Variants in PHACTR2 observed in about 807,000 individuals in gnomAD.
PHACTR2 encodes chromosome 6 open reading frame 56.
PHACTR2 carries 30 observed loss-of-function variants against 76.0 expected under a neutral mutation model. That is an observed-to-expected ratio of 0.39 (90% confidence interval 0.30 to 0.54). The LOEUF (loss-of-function observed/expected upper bound fraction) is 0.54. PHACTR2 is among the 20% of genes least tolerant of loss of function. PHACTR2 has a pLI of 0.61. For missense variants in PHACTR2, 696 were observed against 781.1 expected, an observed-to-expected ratio of 0.89 and a Z score of 1.30; for synonymous variants, 292 against 292.5, an observed-to-expected ratio of 1.00 and a Z score of 0.02.
rs59017997 is a variant in PHACTR2 at position 143,564,196 on chromosome 6, C to CATATATATATATAT, written c.217+27016_217+27029dup. 7.4e-4 allele frequency among the ~76,000 whole-genome samples: 30 copies of CATATATATATATAT among 40,284 alleles called. 1 individual carries two copies. Among genetic ancestry groups the CATATATATATATAT allele is most frequent in the East Asian group, 2.5e-3 (4 of 1,618 alleles). 26.4% of individuals were successfully genotyped at this position (40,284 alleles called of 152,430 possible). On this transcript the variant is annotated intron_variant, in intron 1 of 11. Coordinates refer to the PHACTR2 transcript ENST00000367584. ...ATGTGTGTGTGTATGTGTGTGTGTG[C>CATATATATATATAT]ATATATATATATATATATATATATA...
At chr6:143,667,865 G>A (rs573596205) in intron 1 of PHACTR2, among the ~76,000 whole-genome samples, 7 of 152,024 alleles carry the variant, frequency 4.6e-5, no homozygotes, top group East Asian at 1.9e-4. Flanking sequence ...ATTTGAATAC[G>A]CTTTATTTCT....
chr6:143,768,743 T>A lies in PHACTR2; in HGVS notation c.1232+2945T>A, dbSNP rs1376052765. On this transcript the variant is annotated intron_variant, in intron 6 of 12. Transcript: ENST00000440869. ...CTACTGGGACTATAATCAGAGGGAG[T>A]GAGCTTAGTACATCATTAGCCATTG... is the stretch of plus-strand genomic sequence containing the variant. Among the ~76,000 whole-genome samples the A allele has an allele frequency of 1.3e-5, 2 of 152,154 alleles. 1 individual carries two copies. The highest frequency in any genetic ancestry group is 3.8e-4 in the East Asian group (2 of 5,198).
chr6:143,560,154 T>C (rs1775246044), intron 1 of PHACTR2, among the ~76,000 whole-genome samples: 1 of 152,230 alleles, frequency 6.6e-6, no homozygotes, highest in South Asian at 2.1e-4. Flanking sequence ...TTAGTAATAA[T>C]TGTATGGTGT....
chr6:143,651,079 T>A (rs1390480398), intron 1 of PHACTR2, among the ~76,000 whole-genome samples: 1 of 151,458 alleles, frequency 6.6e-6, no homozygotes, highest in Non-Finnish European at 1.5e-5. Context: ...CCAACAAACA[T>A]ATGAAAAAAA....
upstream of PHACTR2, among the ~76,000 whole-genome samples, chr6:143,675,524 T>G (rs1470366958): frequency 6.6e-6 from 1 of 152,148 alleles, no homozygotes; most frequent in Non-Finnish European, 1.5e-5. This position sits in a 1 kb window ranked among gnomAD's most constrained non-coding sequence, Gnocchi z 4.9. Context: ...AACAAAGCAG[T>G]CTGAGGCCCC....
chr6:143,560,232 C>G (rs1439879276), intron 1 of PHACTR2, among the ~76,000 whole-genome samples: 1 of 152,194 alleles, frequency 6.6e-6, no homozygotes, highest in African/African-American at 2.4e-5. Flanking sequence ...TAACTCAGTA[C>G]TCACAGAAAG....
At chr6:143,609,457 A>G (rs1482963096) in intron 1 of PHACTR2, among the ~76,000 whole-genome samples, 1 of 152,212 alleles carries the variant, frequency 6.6e-6, no homozygotes. Context: ...AAACAAGTGT[A>G]AGGATGTGTG....
chr6:143,586,845 A>G (rs1350585144), intron 1 of PHACTR2, among the ~76,000 whole-genome samples: 1 of 152,038 alleles, frequency 6.6e-6, no homozygotes, highest in Non-Finnish European at 1.5e-5. Flanking sequence ...CTAGTCCTCA[A>G]TCTGGTCCAG....
chr6:143,805,198 G>A (rs1000664562), intron 11 of PHACTR2, among the ~76,000 whole-genome samples: 2 of 152,074 alleles, frequency 1.3e-5, no homozygotes, highest in Non-Finnish European at 2.9e-5. Flanking sequence ...ACCTCCTTTC[G>A]GCCGGGCACG....
intron 11 of PHACTR2, among the ~76,000 whole-genome samples, chr6:143,802,764 G>A (rs2128482774): frequency 6.6e-6 from 1 of 151,892 alleles, no homozygotes; most frequent in South Asian, 2.1e-4. Flanking sequence ...TTTGTCTAAA[G>A]TGTCTGATTT....
intron 11 of PHACTR2, among the ~76,000 whole-genome samples, chr6:143,799,612 C>T (rs1775908719): frequency 6.6e-6 from 1 of 152,316 alleles, no homozygotes; most frequent in East Asian, 1.9e-4. Flanking sequence ...TTTCAAAGAA[C>T]ATCTTTATTT....
chr6:143,563,934 G>A (rs1775321047), intron 1 of PHACTR2, among the ~76,000 whole-genome samples: 1 of 151,810 alleles, frequency 6.6e-6, no homozygotes, highest in Non-Finnish European at 1.5e-5. Context: ...AACCCTTGAG[G>A]TCGAGGCTGC....
Position 143,765,670 on chromosome 6 carries a change from C to T in PHACTR2, c.1104C>T (p.Val368=), listed in dbSNP as rs1218856250. 1.9e-6 allele frequency: 3 copies of T among 1,614,212 alleles called. No homozygotes were observed. The highest frequency in any genetic ancestry group is 1.7e-6 in the Non-Finnish European group (2 of 1,180,050). The change falls in exon 6 of 13, where the codon GTC becomes GTT. Residue 368 remains valine, a synonymous_variant. Coordinates refer to ENST00000440869, the MANE Select transcript of PHACTR2 (RefSeq NM_001100164.2). The surrounding 1 kb of genome is among the most constrained non-coding windows in gnomAD (Gnocchi z 4.1). The stretch of plus-strand genomic sequence containing the variant: ...CCTCAGACACTCCAGTTGTCCTCGT[C>T]AGCGTTGGAGCTGACCTGCCCGTCT... ...ITASDTPVVL[V]SVGADLPVSA... is the part of the protein sequence containing the mutation.
rs759575099 is a variant in PHACTR2, at chr6:143,664,825, G to A, written c.14-47191G>A. Among the ~76,000 whole-genome samples, 9 of 151,866 alleles carry A rather than the reference G, an allele frequency of 5.9e-5. No homozygotes were observed. The highest frequency in any genetic ancestry group is 1.3e-4 in the Admixed American group (2 of 15,248). ...TTTATTATTATTATTTTGAGACACT[G>A]TCTTGCTCTGTCACCCAGGCTGGAG... On this transcript the variant is annotated intron_variant, in intron 1 of 11. Coordinates refer to the PHACTR2 transcript ENST00000305766. This position sits in a 1 kb window ranked among gnomAD's most constrained non-coding sequence, Gnocchi z 5.1.
Position 143,787,110 on chromosome 6 carries a change from A to T in PHACTR2, c.1708-1663A>T, listed in dbSNP as rs116489577. On this transcript the variant is annotated intron_variant, in intron 10 of 12. Coordinates refer to ENST00000440869, the MANE Select transcript of PHACTR2 (RefSeq NM_001100164.2). This position sits in a 1 kb window ranked among gnomAD's most constrained non-coding sequence, Gnocchi z 4.6. ...CTCAATCCAGCTGGGCCCCTCCATG[A>T]GGCAGCAGTGCCAGCCCTTACCCTC... 8.6e-3 allele frequency among the ~76,000 whole-genome samples: 1,310 copies of T among 152,292 alleles called. 17 individuals are homozygous for T. Among genetic ancestry groups the T allele is most frequent in the African/African-American group, 0.03 (1,235 of 41,552 alleles).
At position 143,611,854 on chromosome 6, in the gene PHACTR2, A is replaced by G. The variant is rs1172472453; in HGVS notation, c.13+3532A>G. Among the ~76,000 whole-genome samples, 1 of 152,154 alleles carries G rather than the reference A, an allele frequency of 6.6e-6. No individual in the cohort carries two copies. Among genetic ancestry groups the G allele is most frequent in the Non-Finnish European group, 1.5e-5 (1 of 68,020 alleles). On this transcript the variant is annotated intron_variant, in intron 1 of 11. Transcript: ENST00000305766. This position sits in a 1 kb window ranked among gnomAD's most constrained non-coding sequence, Gnocchi z 4.4. ...AATTTATGTGGGTGGTGCAATGGGC[A>G]TGGGGTTGGGGGATGCATTGGATAT...
Position 143,782,875 on chromosome 6 carries a change from T to G in PHACTR2, c.1646-344T>G, listed in dbSNP as rs1319071453. Among the ~76,000 whole-genome samples, 1 of 152,172 alleles carries G rather than the reference T, an allele frequency of 6.6e-6. No homozygotes were observed. The highest frequency in any genetic ancestry group is 2.4e-5 in the African/African-American group (1 of 41,434). ...CTGGTAAATTGTGCTTATAAGCCCATGAAATGATCAGCAATAGAGGGCTTT... is the reference window on the plus strand; with the variant it reads ...CTGGTAAATTGTGCTTATAAGCCCAGGAAATGATCAGCAATAGAGGGCTTT... On this transcript the variant is annotated intron_variant, in intron 9 of 12. Transcript: ENST00000440869. The surrounding 1 kb of genome is among the most constrained non-coding windows in gnomAD (Gnocchi z 4.6).
rs1775444907 is a variant in PHACTR2 at position 143,571,340 on chromosome 6, A to G, written c.217+34133A>G. 6.6e-6 allele frequency among the ~76,000 whole-genome samples: 1 copy of G among 152,162 alleles called. No homozygotes were observed. Among genetic ancestry groups the G allele is most frequent in the South Asian group, 2.1e-4 (1 of 4,836 alleles). ...GCTACCTCTTCTGAGCTATTTATTC[A>G]TTCAGTTATTTATTTGTATTAGTGT... On this transcript the variant is annotated intron_variant, in intron 1 of 11. Coordinates refer to the PHACTR2 transcript ENST00000367584. This position sits in a 1 kb window ranked among gnomAD's most constrained non-coding sequence, Gnocchi z 4.6.
At chr6:143,584,968 T>G (rs1408949188) in intron 1 of PHACTR2, among the ~76,000 whole-genome samples, 6 of 129,320 alleles carry the variant, frequency 4.6e-5, no homozygotes, top group African/African-American at 1.8e-4. Flanking sequence ...CCCTGGCTGG[T>G]CCTACCCAGA....
Sources: gnomAD v4.1 joint callset for allele counts (sites outside exome capture counted in the v4.1 genomes callset) on GRCh38, gnomAD v4.1.1 for gene constraint, Gnocchi (gnomAD v3.1) non-coding constraint, MANE v1.5 for transcripts, NCBI Gene and HGNC (gene_info 2026-07-23, HGNC 2026-07-21) for gene names.